NKAIN2: variants seen among roughly 807,000 people sequenced by gnomAD.
NKAIN2 encodes the protein sodium/potassium-transporting ATPase subunit beta-1-interacting protein 2.
NKAIN2 carries 14 observed loss-of-function variants against 32.6 expected under a neutral mutation model. The observed-to-expected ratio is 0.43, with a 90% CI of 0.28 to 0.67. The LOEUF is 0.67. Ranked by LOEUF, NKAIN2 falls within the 30% of genes least tolerant of loss-of-function variation. The pLI is 0.17. For missense variants in NKAIN2, 198 were observed against 258.3 expected (o/e 0.77, Z 1.60); for synonymous variants, 80 against 87.2 (o/e 0.92, Z 0.46).
chr6:123,847,425 T>A (rs2114948955), intron 1 of NKAIN2, among the ~76,000 whole-genome samples: 1 of 152,258 alleles, frequency 6.6e-6, no homozygotes. Context: ...TCAAACCAAG[T>A]GGCATGTATC....
At chr6:124,188,236 T>C (rs1789843619) in intron 1 of NKAIN2, among the ~76,000 whole-genome samples, 1 of 152,128 alleles carries the variant, frequency 6.6e-6, no homozygotes, top group Non-Finnish European at 1.5e-5. Flanking sequence ...GAAATATATA[T>C]TAAGAGATTG....
intron 1 of NKAIN2, among the ~76,000 whole-genome samples, chr6:124,025,382 G>A (rs961840999): frequency 3.3e-5 from 5 of 151,982 alleles, no homozygotes; most frequent in African/African-American, 1.2e-4. Flanking sequence ...TAGAGGAATG[G>A]TGATATCACA....
At chr6:123,874,634 A>G (rs1024945765) in intron 1 of NKAIN2, among the ~76,000 whole-genome samples, 48 of 152,288 alleles carry the variant, frequency 3.2e-4, no homozygotes, top group African/African-American at 1.2e-3. Context: ...CTAGAAATAT[A>G]TATTTTTCAG....
chr6:124,263,770 T>C (rs1013707623), intron 1 of NKAIN2, among the ~76,000 whole-genome samples: 1 of 152,186 alleles, frequency 6.6e-6, no homozygotes, highest in African/African-American at 2.4e-5. Context: ...AAATGTCCTA[T>C]GTCCCTCATG....
intron 1 of NKAIN2, among the ~76,000 whole-genome samples, chr6:123,868,349 G>C (rs1372499258): frequency 1.3e-5 from 2 of 152,168 alleles, no homozygotes; most frequent in Non-Finnish European, 2.9e-5. Context: ...TTAATGAAAG[G>C]CTGGGACATA....
intron 1 of NKAIN2, among the ~76,000 whole-genome samples, chr6:123,877,263 A>C (rs1302559725): frequency 6.6e-6 from 1 of 152,140 alleles, no homozygotes; most frequent in Non-Finnish European, 1.5e-5. Flanking sequence ...ATGCCTTTTT[A>C]GTTTCTATTA....
intron 3 of NKAIN2, among the ~76,000 whole-genome samples, chr6:124,574,856 T>A (rs2114926333): frequency 6.6e-6 from 1 of 152,298 alleles, no homozygotes; most frequent in Non-Finnish European, 1.5e-5. Context: ...GGTGCTAGTC[T>A]TTTCTCTACT....
chr6:124,107,491 C>T (rs1785178284), intron 1 of NKAIN2, among the ~76,000 whole-genome samples: 1 of 152,046 alleles, frequency 6.6e-6, no homozygotes, highest in Non-Finnish European at 1.5e-5. Flanking sequence ...GTAAAATTTA[C>T]ATTATTCATA....
At chr6:123,815,985 A>T (rs1773677541) in intron 1 of NKAIN2, among the ~76,000 whole-genome samples, 1 of 152,190 alleles carries the variant, frequency 6.6e-6, no homozygotes, top group South Asian at 2.1e-4. Flanking sequence ...AGAATAAAAT[A>T]CAAAGGAAAT....
At chr6:124,431,864 C>G (rs1452867628) in intron 3 of NKAIN2, among the ~76,000 whole-genome samples, 22 of 152,048 alleles carry the variant, frequency 1.4e-4, no homozygotes, top group Admixed American at 1.4e-3. Context: ...TTTCCACCAC[C>G]ACTAACAGCA....
At chr6:124,431,838 C>A (rs1775229082) in intron 3 of NKAIN2, among the ~76,000 whole-genome samples, 2 of 151,912 alleles carry the variant, frequency 1.3e-5, no homozygotes, top group African/African-American at 4.8e-5. Context: ...TCCATAAATC[C>A]TTATGTAAAG....
intron 5 of NKAIN2, among the ~76,000 whole-genome samples, chr6:124,792,131 A>G (rs2114809357): frequency 6.6e-6 from 1 of 152,284 alleles, no homozygotes; most frequent in African/African-American, 2.4e-5. Context: ...TGAGGGTACT[A>G]TCATGAATAA....
At chr6:123,972,979 A>T (rs1350454059) in intron 1 of NKAIN2, among the ~76,000 whole-genome samples, 1 of 152,162 alleles carries the variant, frequency 6.6e-6, no homozygotes, top group African/African-American at 2.4e-5. Flanking sequence ...ATACTATCAA[A>T]ATTAAAGAGT....
intron 4 of NKAIN2, among the ~76,000 whole-genome samples, chr6:124,754,013 T>C (rs994343309): frequency 1.3e-5 from 2 of 152,136 alleles, no homozygotes; most frequent in Admixed American, 6.6e-5. Flanking sequence ...CAGATCTTTC[T>C]TGGCTTTAAT....
intron 1 of NKAIN2, among the ~76,000 whole-genome samples, chr6:124,207,980 TTGTC>T (rs1249343207): frequency 6.6e-6 from 1 of 151,960 alleles, no homozygotes; most frequent in South Asian, 2.1e-4. Context: ...AATATTATAT[TTGTC>T]TGGCTACTTG....
At chr6:124,605,689 T>C (rs561622909) in intron 3 of NKAIN2, among the ~76,000 whole-genome samples, 116 of 152,208 alleles carry the variant, frequency 7.6e-4, no homozygotes, top group African/African-American at 2.8e-3. Flanking sequence ...AATGTAATTT[T>C]ATGTCAGAAT....
chr6:124,352,876 C>A (rs1798793842), intron 2 of NKAIN2, among the ~76,000 whole-genome samples: 1 of 152,134 alleles, frequency 6.6e-6, no homozygotes, highest in Admixed American at 6.5e-5. Flanking sequence ...CATAGAGCTT[C>A]TCAAATTCCA....
intron 3 of NKAIN2, among the ~76,000 whole-genome samples, chr6:124,546,600 A>G (rs958794848): frequency 6.6e-6 from 1 of 152,028 alleles, no homozygotes; most frequent in Non-Finnish European, 1.5e-5. Flanking sequence ...ACCTCATCGA[A>G]TATATACTGA....
chr6:123,911,101 C>G (rs1775155873), intron 1 of NKAIN2, among the ~76,000 whole-genome samples: 1 of 151,902 alleles, frequency 6.6e-6, no homozygotes, highest in African/African-American at 2.4e-5. Flanking sequence ...ATAGGTCTGG[C>G]ATATAGACAT....
Sources: allele counts gnomAD v4.1 joint callset (sites outside exome capture counted in the v4.1 genomes callset), GRCh38; gene constraint gnomAD v4.1.1; transcripts MANE v1.5; gene names NCBI Gene and HGNC (gene_info 2026-07-23, HGNC 2026-07-21).